Variants in HOXD3 observed in about 807,000 individuals in gnomAD.
HOXD3 encodes the protein homeobox protein Hox-D3.
Under a neutral mutation model 32.8 loss-of-function variants are expected in HOXD3, and 13 were observed. The ratio of observed to expected loss-of-function variants is 0.40; its 90% CI spans 0.26 to 0.63. The LOEUF is 0.63. Among genes scored for constraint, HOXD3 ranks in the 20% least tolerant of loss-of-function variants. HOXD3 has a pLI of 0.44. For synonymous variants in HOXD3, 241 were observed against 246.8 expected (o/e 0.98, Z 0.22); for missense variants, 504 against 577.1 (o/e 0.87, Z 1.30).
chr2:176,163,865 C>A (rs1690884763), intron 1 of HOXD3, among the ~76,000 whole-genome samples: 1 of 152,142 alleles, frequency 6.6e-6, no homozygotes, highest in African/African-American at 2.4e-5. Context: ...CCCCATCCAG[C>A]CATGGATTTT....
chr2:176,155,588 C>A (rs919923450), upstream of HOXD3, among the ~76,000 whole-genome samples: 4 of 152,214 alleles, frequency 2.6e-5, no homozygotes, highest in Non-Finnish European at 5.9e-5. Flanking sequence ...CCCCAGCATC[C>A]ATTTGGGCCC....
chr2:176,169,790 T>G, intron 3 of HOXD3, 135 bp downstream of exon 3: 1 of 1,132,058 alleles, frequency 8.8e-7, no homozygotes, highest in Non-Finnish European at 1.2e-6. Context: ...TTCTTTTTTT[T>G]AGTGTTCCTG....
chr2:176,163,953 G>A (rs1690886915), intron 1 of HOXD3, 120 bp from the exon 2 acceptor site: 1 of 152,124 alleles, frequency 6.6e-6, no homozygotes, highest in Non-Finnish European at 1.5e-5. Flanking sequence ...GGATGGTCAC[G>A]GGTACCATAT....
upstream of HOXD3, among the ~76,000 whole-genome samples, chr2:176,155,391 T>A (rs1291809565): frequency 6.6e-6 from 1 of 152,234 alleles, no homozygotes; most frequent in Non-Finnish European, 1.5e-5. Context: ...AAACATGTTT[T>A]CATGAGGAAA....
At chr2:176,165,453 T>A (rs1251094033) in intron 2 of HOXD3, 1 of 152,236 alleles carries the variant, frequency 6.6e-6, no homozygotes. Context: ...CGGTGGCCGC[T>A]CAGAGAATAC....
chr2:176,154,650 T>C (rs1690607973), upstream of HOXD3, among the ~76,000 whole-genome samples: 1 of 152,224 alleles, frequency 6.6e-6, no homozygotes, highest in Non-Finnish European at 1.5e-5. Context: ...TCCTGAGAGC[T>C]GAGGGCAGGT....
intron 3 of HOXD3, among the ~76,000 whole-genome samples, chr2:176,170,888 C>A (rs1259359022): frequency 1.0e-5 from 1 of 98,124 alleles, no homozygotes; most frequent in Non-Finnish European, 1.9e-5. Context: ...CCTAAAATAC[C>A]CAGGCAGTGT....
chr2:176,172,202 C>T lies in HOXD3; in HGVS notation c.1227C>T (p.Thr409=), dbSNP rs754234835. ...ATGGACCTTGCGACCCTCATCCCAC[C>T]TACACAGATCTCTCGGCCCACCACT... ...HHHGPCDPHP[T]YTDLSAHHSS... is the part of the protein sequence containing the mutation. The change falls in exon 4 of 4, where the codon ACC becomes ACT. Residue 409 remains threonine (T), a synonymous_variant. Transcript: ENST00000683222. 1.2e-6 allele frequency: 2 copies of T among 1,612,266 alleles called. No individual in the cohort carries two copies. Among genetic ancestry groups the T allele is most frequent in the Non-Finnish European group, 8.5e-7 (1 of 1,179,956 alleles).
rs766615308 is a variant in HOXD3 at position 176,171,872 on chromosome 2, G to T, written c.897G>T (p.Pro299=). The T allele has an allele frequency of 6.2e-7, 1 of 1,600,384 alleles. No homozygotes were observed. The part of the protein sequence containing the change: ...VPGLAYDAPS[P]PAFAKSQPNM... ...GCCTGGCCTACGACGCGCCCTCGCC[G>T]CCTGCTTTCGCCAAATCACAGCCCA... is the stretch of plus-strand genomic sequence containing the variant. Residue 299 remains proline, a synonymous_variant, in exon 4 of 4, where the codon CCG becomes CCT. Coordinates refer to ENST00000683222, the MANE Select transcript of HOXD3 (RefSeq NM_006898.5).
At chr2:176,154,498 A>C (rs1357848165), upstream of HOXD3, among the ~76,000 whole-genome samples, 4 of 152,216 alleles carry the variant, frequency 2.6e-5, no homozygotes, top group Non-Finnish European at 5.9e-5. Flanking sequence ...ATAAGCTTAA[A>C]ATTTAATTTT....
Position 176,172,358 on chromosome 2 carries a change from C to T in HOXD3, c.*84C>T. The T allele has an allele frequency of 7.6e-7, 1 of 1,322,304 alleles. No individual in the cohort carries two copies. Among genetic ancestry groups the T allele is most frequent in the Non-Finnish European group, 1.0e-6 (1 of 982,164 alleles). The allele number at this position is 1,322,304 out of a possible 1,614,324, so 81.9% of individuals were successfully genotyped here. The stretch of plus-strand genomic sequence containing the variant: ...AGAGGGTGGGGCCCGCGGGGCAGTT[C>T]GGGAACCCCCTTCCCCGCTCTTGCC... On this transcript the variant is annotated 3_prime_UTR_variant, in exon 4 of 4. Transcript: ENST00000683222.
chr2:176,167,851 G>T (rs1052507141), intron 2 of HOXD3, among the ~76,000 whole-genome samples: 1 of 152,006 alleles, frequency 6.6e-6, no homozygotes, highest in Admixed American at 6.5e-5. Context: ...CTACATGCAG[G>T]GCACTGTGCT....
At chr2:176,158,054 A>T (rs1168039329) in intron 1 of HOXD3, among the ~76,000 whole-genome samples, 1 of 152,112 alleles carries the variant, frequency 6.6e-6, no homozygotes, top group African/African-American at 2.4e-5. Flanking sequence ...CCAACAGATA[A>T]TGATTTCCGA....
Position 176,171,963 on chromosome 2 carries a change from G to A in HOXD3, c.988G>A (p.Ala330Thr), listed in dbSNP as rs755289780. 17 of 1,610,600 alleles carry A rather than the reference G, an allele frequency of 1.1e-5. No individual in the cohort carries two copies. In the Admixed American group the frequency reaches 1.3e-4, roughly 13 times the overall value. The change falls in exon 4 of 4, where the codon GCA becomes ACA. Residue 330 changes from alanine (A) to threonine (T), a missense_variant. Ala to Thr is a moderately conservative substitution (Grantham distance 58). Around this residue, in one of 3 missense-constraint regions of HOXD3, gnomAD observed 226 missense variants for 246.9 expected, o/e 0.92. Transcript: ENST00000683222. The part of the protein sequence containing the change: ...SSCLPQQKRY[A>T]APEFEPHPMA... ...CTGCCTGCCACAACAGAAGCGCTACGCAGCGCCGGAGTTCGAGCCCCATCC... is the reference window on the plus strand; with the variant it reads ...CTGCCTGCCACAACAGAAGCGCTACACAGCGCCGGAGTTCGAGCCCCATCC...
chr2:176,168,482 T>A (rs529118178), intron 2 of HOXD3, among the ~76,000 whole-genome samples: 3 of 152,028 alleles, frequency 2.0e-5, no homozygotes, highest in Non-Finnish European at 4.4e-5. Context: ...GCAGGAGAAT[T>A]GCTTGAACCC....
Position 176,169,403 on chromosome 2 carries a change from A to G in HOXD3, c.289A>G (p.Asn97Asp), listed in dbSNP as rs758951229. 3 of 1,613,884 alleles carry G rather than the reference A, an allele frequency of 1.9e-6. No individual in the cohort carries two copies. Among genetic ancestry groups the G allele is most frequent in the Non-Finnish European group, 2.5e-6 (3 of 1,179,914 alleles). The change falls in exon 3 of 4, where the codon AAC becomes GAC. Residue 97 changes from asparagine to aspartate, a missense_variant. By Grantham distance (23) the Asn-to-Asp change is conservative (BLOSUM62 1). Around this residue, in one of 3 missense-constraint regions of HOXD3, gnomAD observed 181 missense variants for 172.2 expected, o/e 1.05. Coordinates refer to ENST00000683222, the MANE Select transcript of HOXD3 (RefSeq NM_006898.5). ...CAGCTGCATGCGGCCGGGCACTGGGAACAGCCAGGGTGGGGGTGGTGGCAG... is the reference window on the plus strand; with the variant it reads ...CAGCTGCATGCGGCCGGGCACTGGGGACAGCCAGGGTGGGGGTGGTGGCAG... ...NGSCMRPGTG[N>D]SQGGGGGSQP...
At chr2:176,160,095 C>T (rs1054497981) in intron 1 of HOXD3, among the ~76,000 whole-genome samples, 7 of 152,182 alleles carry the variant, frequency 4.6e-5, no homozygotes, top group East Asian at 1.9e-4. Context: ...GGTGACTGGC[C>T]AGAGCTGAGA....
chr2:176,158,653 C>A (rs1182908842), intron 1 of HOXD3, among the ~76,000 whole-genome samples: 1 of 152,150 alleles, frequency 6.6e-6, no homozygotes, highest in South Asian at 2.1e-4. Flanking sequence ...AGGACAGAAA[C>A]AAAGTTTCCC....
chr2:176,152,614 C>G, upstream of HOXD3: 1 of 1,613,950 alleles, frequency 6.2e-7, no homozygotes, highest in Non-Finnish European at 8.5e-7. This position sits in a 1 kb window ranked among gnomAD's most constrained non-coding sequence, Gnocchi z 5.2. Flanking sequence ...GCAGTGAACC[C>G]CAACTACACC....
Sources: gnomAD v4.1 joint callset for allele counts (sites outside exome capture counted in the v4.1 genomes callset) on GRCh38, gnomAD v4.1.1 for gene constraint, gnomAD v4.1.1 regional missense constraint, Gnocchi (gnomAD v3.1) non-coding constraint, MANE v1.5 for transcripts, NCBI Gene and HGNC (gene_info 2026-07-23, HGNC 2026-07-21) for gene names.